Variants in WIPI1 observed in about 807,000 individuals in gnomAD.
WIPI1 encodes the protein WD repeat domain, phosphoinositide interacting 1, also known as WD repeat domain phosphoinositide-interacting protein 1.
In WIPI1, 45 loss-of-function variants were observed where a neutral mutation model predicts 55.3. The ratio of observed to expected loss-of-function variants is 0.81; its 90% confidence interval spans 0.64 to 1.04. The LOEUF (loss-of-function observed/expected upper bound fraction) is 1.04, where lower values mean the gene tolerates loss of function less well. WIPI1 is among the 50% of genes least tolerant of loss of function. The pLI, the probability that WIPI1 is intolerant of heterozygous loss-of-function variation, is 0.00. For missense variants in WIPI1, 445 were observed against 559.0 expected (o/e 0.80, Z 2.06); for synonymous variants, 195 against 217.6 (o/e 0.90, Z 0.92).
At chr17:68,427,008 G>A (rs2083238557) in intron 11 of WIPI1, 127 bp downstream of exon 11, 1 of 747,406 alleles carries the variant, frequency 1.3e-6, no homozygotes, top group Middle Eastern at 3.8e-4. Flanking sequence ...AACAGTGAAG[G>A]GGGAAGGGGA....
intron 3 of WIPI1, among the ~76,000 whole-genome samples, chr17:68,447,247 T>C (rs2084319834): frequency 6.6e-6 from 1 of 152,194 alleles, no homozygotes. Flanking sequence ...ACTGTAAAAG[T>C]ATGCAAATCT....
chr17:68,433,411 A>C, intron 8 of WIPI1, 57 bp downstream of exon 8: 12 of 1,445,506 alleles, frequency 8.3e-6, no homozygotes, highest in Non-Finnish European at 1.2e-5. Flanking sequence ...CCAGTAGAAG[A>C]GCCTAGGCCT....
chr17:68,426,480 G>A (rs1192721929), intron 11 of WIPI1, among the ~76,000 whole-genome samples: 2 of 152,102 alleles, frequency 1.3e-5, no homozygotes, highest in Admixed American at 1.3e-4. Context: ...GGATCCTTCT[G>A]CCTCAATTTA....
rs966944376 is a variant in WIPI1 at position 68,426,239 on chromosome 17, G to T, written c.1193-64C>A. The T allele has an allele frequency of 1.6e-5, 19 of 1,170,186 alleles. No individual in the cohort carries two copies. The East Asian group carries it at 4.8e-4, about 30-fold the overall frequency. The allele number at this position is 1,170,186 out of a possible 1,614,324, so 72.5% of individuals were successfully genotyped here. On this transcript the variant is annotated intron_variant, in intron 11 of 12. Transcript: ENST00000262139. ...ATCTGCTTTTATGCCATGACCTGGC[G>T]GGTGGGGAGCGGGGGCTCAAATAAA...
rs1781070149 is a variant in WIPI1, at chr17:68,436,387, A to C, written c.523T>G (p.Ser175Ala). 1 of 1,613,702 alleles carries C rather than the reference A, an allele frequency of 6.2e-7. No individual in the cohort carries two copies. The highest frequency in any genetic ancestry group is 1.3e-5 in the African/African-American group (1 of 74,910). The change falls in exon 5 of 13, where the codon TCC becomes GCC. Residue 175 changes from serine to alanine, a missense_variant. Coordinates refer to ENST00000262139, the MANE Select transcript of WIPI1 (RefSeq NM_017983.7). ...SGEIVLYDGN[S>A]LKTVCTIAAH... ...CCAGGTCACCGTCAACTTACCAGGGAGTTTCCATCATAAAGCACAATCTCC... is the reference window on the plus strand; with the variant it reads ...CCAGGTCACCGTCAACTTACCAGGGCGTTTCCATCATAAAGCACAATCTCC...
rs562391660 is a variant in WIPI1, at chr17:68,421,370, C to T, written c.*403G>A. ...CAGCCACAGCCAAAAAAGACTTTGC[C>T]TGGCTAAAAGAGTCTCTCTCTAAGT... On this transcript the variant is annotated 3_prime_UTR_variant, in exon 13 of 13. Coordinates refer to ENST00000262139, the MANE Select transcript of WIPI1 (RefSeq NM_017983.7). 6.0e-6 allele frequency: 1 copy of T among 167,310 alleles called. No individual in the cohort carries two copies. The highest frequency in any genetic ancestry group is 5.9e-5 in the Admixed American group (1 of 17,090). 10.4% of individuals were successfully genotyped at this position (167,310 alleles called of 1,614,324 possible). A position where few individuals can be genotyped will look rare whatever the true frequency, so the allele number is the denominator to read the frequency against.
At chr17:68,442,483 A>AGGAGAAAC (rs1331526294) in intron 4 of WIPI1, among the ~76,000 whole-genome samples, 1 of 150,474 alleles carries the variant, frequency 6.6e-6, no homozygotes, top group African/African-American at 2.4e-5. Flanking sequence ...AAAAAAAAAA[A>AGGAGAAAC]GGAGAAACAT....
At chr17:68,446,693 A>G (rs2084298925) in intron 3 of WIPI1, among the ~76,000 whole-genome samples, 1 of 152,192 alleles carries the variant, frequency 6.6e-6, no homozygotes, top group Non-Finnish European at 1.5e-5. Context: ...GGTTTCTGAT[A>G]TCCTCTTGTG....
chr17:68,426,664 C>T (rs2067493499), intron 11 of WIPI1, among the ~76,000 whole-genome samples: 2 of 152,154 alleles, frequency 1.3e-5, no homozygotes, highest in Non-Finnish European at 2.9e-5. Context: ...TCCGGAGTAG[C>T]TGGGATTGCA....
intron 3 of WIPI1, among the ~76,000 whole-genome samples, chr17:68,446,357 A>AT (rs2084284233): frequency 6.6e-6 from 1 of 151,668 alleles, no homozygotes; most frequent in South Asian, 2.1e-4. Flanking sequence ...ATTTTTTGGT[A>AT]TTTTTTGTAG....
chr17:68,451,409 G>C (rs570641511), intron 2 of WIPI1, among the ~76,000 whole-genome samples: 1 of 152,180 alleles, frequency 6.6e-6, no homozygotes, highest in South Asian at 2.1e-4. Flanking sequence ...ACTCCAGCCT[G>C]GGCGACAAGC....
intron 3 of WIPI1, among the ~76,000 whole-genome samples, chr17:68,447,984 CAAAAAAAAAAAAA>C (rs5821653): frequency 2.5e-5 from 2 of 80,284 alleles, no homozygotes; most frequent in Non-Finnish European, 4.9e-5. Context: ...GACTCTATCT[CAAAAAAAAAAAAA>C]AAAAAAAAAG....
chr17:68,436,568 A>G, intron 4 of WIPI1, 89 bp from the exon 5 acceptor site: 1 of 1,183,994 alleles, frequency 8.4e-7, no homozygotes, highest in Non-Finnish European at 1.2e-6. Flanking sequence ...GTACAGCTAC[A>G]GTGCCACCTA....
rs750803253 is a variant in WIPI1 at position 68,450,711 on chromosome 17, G to A, written c.333+17C>T. On this transcript the variant is annotated intron_variant, in intron 3 of 12. Transcript: ENST00000262139. Reference sequence around the variant, plus strand: ...GTTAGCAGAAGCTTTGAAACCCTGAGGGATTTCCCCACTTACTTGCCGGTT... The same window carrying A: ...GTTAGCAGAAGCTTTGAAACCCTGAAGGATTTCCCCACTTACTTGCCGGTT... The A allele has an allele frequency of 8.8e-6, 14 of 1,599,096 alleles. No individual in the cohort carries two copies. The East Asian group carries it at 3.2e-4, about 36-fold the overall frequency.
intron 5 of WIPI1, 135 bp downstream of exon 5, chr17:68,436,247 C>G: frequency 1.3e-6 from 1 of 767,130 alleles, no homozygotes; most frequent in Non-Finnish European, 2.2e-6. Context: ...GTATCACCTT[C>G]TCTTGAACAA....
intron 12 of WIPI1, among the ~76,000 whole-genome samples, chr17:68,425,745 G>A (rs553076024): frequency 1.6e-4 from 25 of 152,252 alleles, no homozygotes; most frequent in African/African-American, 5.1e-4. Flanking sequence ...GACAAGTCAC[G>A]TGTTCCTACC....
In WIPI1 at chr17:68,453,629, C is replaced by T. The variant is rs544258843; in HGVS notation, c.81-637G>A. 1.1e-4 allele frequency among the ~76,000 whole-genome samples: 17 copies of T among 152,112 alleles called. No individual in the cohort carries two copies. The East Asian group carries it at 2.3e-3, about 21-fold the overall frequency. On this transcript the variant is annotated intron_variant, in intron 1 of 12. Transcript: ENST00000262139. ...GAGCAGTGAGGATTACAGGCATGCA[C>T]CACCACGCCAGGCTAATTTTTGTAT...
rs1267070584 is a variant in WIPI1 at position 68,430,103 on chromosome 17, A to G, written c.858T>C (p.Ala286=). 2 of 1,614,016 alleles carry G rather than the reference A, an allele frequency of 1.2e-6. No homozygotes were observed. Among genetic ancestry groups the G allele is most frequent in the Non-Finnish European group, 1.7e-6 (2 of 1,180,042 alleles). The stretch of plus-strand genomic sequence containing the variant: ...ACACCTGGGTAGGGAGGTAGTTGGT[A>G]GCAGCCATAAACATCTTTCCCATGT... The part of the protein sequence containing the change: ...SGYMGKMFMA[A]TNYLPTQVSD... Residue 286 remains alanine (A), a synonymous_variant, in exon 9 of 13, where the codon GCT becomes GCC. Coordinates refer to ENST00000262139, the MANE Select transcript of WIPI1 (RefSeq NM_017983.7).
At chr17:68,438,115 G>T (rs2083908660) in intron 4 of WIPI1, among the ~76,000 whole-genome samples, 1 of 152,214 alleles carries the variant, frequency 6.6e-6, no homozygotes, top group South Asian at 2.1e-4. Flanking sequence ...AACATTTAGA[G>T]TTGGAACCTA....
Sources: allele counts gnomAD v4.1 joint callset (sites outside exome capture counted in the v4.1 genomes callset), GRCh38; gene constraint gnomAD v4.1.1; transcripts MANE v1.5; gene names NCBI Gene and HGNC (gene_info 2026-07-23, HGNC 2026-07-21).